Variants in STK3 observed in about 807,000 individuals in gnomAD.
STK3 encodes serine/threonine kinase 3.
Under a neutral mutation model 58.0 loss-of-function variants are expected in STK3, and 41 were observed. That is an observed-to-expected ratio of 0.71 (90% CI 0.55 to 0.92). STK3 has a LOEUF of 0.92. Among genes scored for constraint, STK3 ranks in the 40% least tolerant of loss-of-function variants. The pLI, the probability that STK3 is intolerant of heterozygous loss-of-function variation, is 0.00. For missense variants in STK3, 479 were observed against 602.7 expected, an observed-to-expected ratio of 0.79 and a Z score of 2.15; for synonymous variants, 170 against 191.0, an observed-to-expected ratio of 0.89 and a Z score of 0.91.
intron 2 of STK3, 83 bp from the exon 3 acceptor site, chr8:98,767,454 T>G (rs1017840118): frequency 1.6e-6 from 2 of 1,267,070 alleles, no homozygotes; most frequent in Non-Finnish European, 2.1e-6. Flanking sequence ...TTTCTGTGGA[T>G]AGTCTTTTCT....
At chr8:98,653,882 A>T (rs917625889) in intron 6 of STK3, among the ~76,000 whole-genome samples, 1 of 152,250 alleles carries the variant, frequency 6.6e-6, no homozygotes, top group African/African-American at 2.4e-5. Flanking sequence ...AGAAGGATTC[A>T]CAGCCTAATT....
At chr8:98,907,666 C>G (rs375316001) in intron 1 of STK3, among the ~76,000 whole-genome samples, 1 of 152,088 alleles carries the variant, frequency 6.6e-6, no homozygotes, top group Non-Finnish European at 1.5e-5. Flanking sequence ...ATATGTATCC[C>G]GAAGAGAAAG....
At chr8:98,457,991 T>C in intron 10 of STK3, among the ~76,000 whole-genome samples, 1 of 152,188 alleles carries the variant, frequency 6.6e-6, no homozygotes, top group Middle Eastern at 3.2e-3. Flanking sequence ...GTCTGTGATA[T>C]TAGAGAAACA....
chr8:98,792,754 T>G (rs1287711683), intron 1 of STK3, among the ~76,000 whole-genome samples: 2 of 152,052 alleles, frequency 1.3e-5, no homozygotes, highest in African/African-American at 2.4e-5. Flanking sequence ...GCAATCCCAC[T>G]CCTGGGTATC....
chr8:98,832,093 T>C (rs1489231939), intron 3 of STK3, among the ~76,000 whole-genome samples: 1 of 152,080 alleles, frequency 6.6e-6, no homozygotes, highest in Non-Finnish European at 1.5e-5. Flanking sequence ...GCTTTATTTG[T>C]TGTAAAAGGT....
intron 3 of STK3, among the ~76,000 whole-genome samples, chr8:98,832,803 C>A (rs1835588278): frequency 6.6e-6 from 1 of 152,164 alleles, no homozygotes; most frequent in Non-Finnish European, 1.5e-5. Flanking sequence ...ATCTCCCTCC[C>A]CTCAGAGGAC....
rs548176917 is a variant in STK3 at position 98,861,537 on chromosome 8, G to T, written c.110+22110C>A. Among the ~76,000 whole-genome samples the T allele has an allele frequency of 2.4e-4, 36 of 151,578 alleles. No homozygotes were observed. In the Middle Eastern group the frequency reaches 0.017, roughly 72 times the overall value. On this transcript the variant is annotated intron_variant, in intron 3 of 12. Coordinates refer to the STK3 transcript ENST00000523601. ...TAATTTTTTGTATTTTAGTAGAGACGGGGTTTCACAGTGTTGCCCAGGCTG... is the reference window on the plus strand; with the variant it reads ...TAATTTTTTGTATTTTAGTAGAGACTGGGTTTCACAGTGTTGCCCAGGCTG...
chr8:98,369,703 A>G (rs1817593140), downstream of STK3, among the ~76,000 whole-genome samples: 1 of 152,200 alleles, frequency 6.6e-6, no homozygotes. Flanking sequence ...CTCAGTGATA[A>G]AACAAGAGGC....
chr8:98,639,532 AAC>A (rs1379768800), intron 6 of STK3, among the ~76,000 whole-genome samples: 1 of 152,212 alleles, frequency 6.6e-6, no homozygotes, highest in African/African-American at 2.4e-5. Context: ...GCTTTCTTCT[AAC>A]ACAGGAATTT....
chr8:98,910,574 A>G (rs1474052687), intron 1 of STK3, among the ~76,000 whole-genome samples: 2 of 152,240 alleles, frequency 1.3e-5, no homozygotes, highest in African/African-American at 4.8e-5. Context: ...GAATATTTTT[A>G]CGAAAATCCT....
intron 10 of STK3, among the ~76,000 whole-genome samples, chr8:98,466,357 G>A (rs747886185): frequency 7.9e-5 from 12 of 151,960 alleles, no homozygotes; most frequent in African/African-American, 2.7e-4. Context: ...ACACTCTTTC[G>A]GCTATGCAAA....
intron 10 of STK3, among the ~76,000 whole-genome samples, chr8:98,520,837 G>T (rs976079698): frequency 1.3e-5 from 2 of 152,048 alleles, no homozygotes; most frequent in African/African-American, 4.8e-5. Flanking sequence ...CTCATTAACA[G>T]CTGGTATCTT....
chr8:98,596,661 AAT>A (rs1051491007), intron 6 of STK3, among the ~76,000 whole-genome samples: 7 of 152,114 alleles, frequency 4.6e-5, no homozygotes, highest in African/African-American at 1.4e-4. Context: ...TCTCTTTTTA[AAT>A]ATGAGTCAAA....
At chr8:98,422,143 G>A (rs934379642) in intron 3 of STK3, among the ~76,000 whole-genome samples, 2 of 152,156 alleles carry the variant, frequency 1.3e-5, no homozygotes, top group African/African-American at 4.8e-5. Context: ...AAATGGCCCA[G>A]GCAAGGACTC....
intron 4 of STK3, among the ~76,000 whole-genome samples, chr8:98,741,678 T>A (rs1293560548): frequency 6.6e-6 from 1 of 151,810 alleles, no homozygotes; most frequent in Non-Finnish European, 1.5e-5. Context: ...ACATCACAAT[T>A]AAAAGAACTA....
intron 6 of STK3, among the ~76,000 whole-genome samples, chr8:98,608,966 G>A (rs1271199684): frequency 6.6e-6 from 1 of 152,158 alleles, no homozygotes; most frequent in Non-Finnish European, 1.5e-5. Context: ...CAGTGAACTT[G>A]GTTAAGTCCA....
chr8:98,912,373 A>G (rs546453416), intron 1 of STK3, among the ~76,000 whole-genome samples: 1 of 151,432 alleles, frequency 6.6e-6, no homozygotes, highest in Admixed American at 6.6e-5. Context: ...GTGAGACTGC[A>G]TCTCAACAAC....
At chr8:98,650,489 C>A (rs911149144) in intron 6 of STK3, among the ~76,000 whole-genome samples, 1 of 152,202 alleles carries the variant, frequency 6.6e-6, no homozygotes, top group Non-Finnish European at 1.5e-5. Flanking sequence ...ACAGTGGGCG[C>A]AGGACAGGGG....
At chr8:98,572,064 T>A (rs941059966) in intron 8 of STK3, among the ~76,000 whole-genome samples, 1 of 152,234 alleles carries the variant, frequency 6.6e-6, no homozygotes, top group Non-Finnish European at 1.5e-5. Flanking sequence ...GCTGTTTTAC[T>A]TAAAAACAAG....
Sources: gnomAD v4.1 joint callset for allele counts (sites outside exome capture counted in the v4.1 genomes callset) on GRCh38, gnomAD v4.1.1 for gene constraint, MANE v1.5 for transcripts, NCBI Gene and HGNC (gene_info 2026-07-23, HGNC 2026-07-21) for gene names.